The following SLC35F5 variants were observed in gnomAD, a reference collection of about 807,000 sequenced individuals.
SLC35F5 encodes the protein solute carrier family 35 member F5.
In SLC35F5, 54 loss-of-function variants were observed where a neutral mutation model predicts 68.6. That is an observed-to-expected ratio of 0.79 (90% CI 0.63 to 0.99). The LOEUF (loss-of-function observed/expected upper bound fraction) is 0.99, where lower values mean the gene tolerates loss of function less well. Among genes scored for constraint, SLC35F5 ranks in the 50% least tolerant of loss-of-function variants. The pLI is 0.00. For missense variants in SLC35F5, 567 were observed against 626.9 expected (o/e 0.90, Z 1.02); for synonymous variants, 211 against 205.2 (o/e 1.03, Z -0.24).
At chr2:113,747,850 G>A (rs1193141180) in intron 4 of SLC35F5, among the ~76,000 whole-genome samples, 2 of 152,186 alleles carry the variant, frequency 1.3e-5, no homozygotes, top group Non-Finnish European at 1.5e-5. Context: ...CCAGCACTCT[G>A]GGAGGCCGAG....
rs1204674454 is a variant in SLC35F5, at chr2:113,707,456, G to T, written c.*7762C>A. Among the ~76,000 whole-genome samples, 1 of 152,148 alleles carries T rather than the reference G, an allele frequency of 6.6e-6. No individual in the cohort carries two copies. The highest frequency in any genetic ancestry group is 1.5e-5 in the Non-Finnish European group (1 of 68,030). On this transcript the variant is annotated 3_prime_UTR_variant, in exon 16 of 16. Coordinates refer to ENST00000245680, the MANE Select transcript of SLC35F5 (RefSeq NM_025181.5). ...TGTATATAAAATAACCCTTTACAAG[G>T]ATTTACTAGGATGACTGCAAAGAAA... is the stretch of plus-strand genomic sequence containing the variant.
rs1687893612 is a variant in SLC35F5, at chr2:113,731,618, T to C, written c.951A>G (p.Ala317=). The C allele has an allele frequency of 1.2e-6, 2 of 1,613,194 alleles. No individual in the cohort carries two copies. The highest frequency in any genetic ancestry group is 1.3e-5 in the African/African-American group (1 of 74,862). The change falls in exon 10 of 16, where the codon GCA becomes GCG. Residue 317 remains alanine, a synonymous_variant. Transcript: ENST00000245680. ...SIGGVVLVNL[A]GSEKPAGRDT... ...CTCTTCCAGCAGGTTTTTCAGACCCTGCCAGGTTTACCAGTACAACGCCTC... is the reference window on the plus strand; with the variant it reads ...CTCTTCCAGCAGGTTTTTCAGACCCCGCCAGGTTTACCAGTACAACGCCTC...
chr2:113,743,903 TCAC>T, intron 5 of SLC35F5, 109 bp from the exon 6 acceptor site: 1 of 814,732 alleles, frequency 1.2e-6, no homozygotes, highest in Non-Finnish European at 1.8e-6. Context: ...ACGTGGTTGT[TCAC>T]CACCAAGTTT....
chr2:113,756,277 T>A (rs879798208), intron 1 of SLC35F5, 93 bp downstream of exon 1: 35 of 1,543,992 alleles, frequency 2.3e-5, no homozygotes, highest in Non-Finnish European at 3.1e-5. Flanking sequence ...AAGGCGCTCC[T>A]GCTGCCACCG....
rs6755611 is a variant in SLC35F5, at chr2:113,753,169, T to C, written c.273+1996A>G. Among the ~76,000 whole-genome samples the C allele has an allele frequency of 6.0e-3, 325 of 54,464 alleles. 44 individuals are homozygous for C. Among genetic ancestry groups the C allele is most frequent in the African/African-American group, 0.018 (292 of 16,532 alleles). 35.7% of individuals were successfully genotyped at this position (54,464 alleles called of 152,430 possible). On this transcript the variant is annotated intron_variant, in intron 3 of 15. Transcript: ENST00000245680. ...ACTTTATCTCCAAAGTTTGTTTTTC[T>C]TTTTTTTTTTTTTTTTTTTTTTTTT... is the stretch of plus-strand genomic sequence containing the variant.
chr2:113,730,857 A>C (rs1189865090), intron 10 of SLC35F5, among the ~76,000 whole-genome samples: 1 of 152,232 alleles, frequency 6.6e-6, no homozygotes, highest in East Asian at 1.9e-4. Context: ...GTGGGTGAAG[A>C]TATGACAGCA....
At position 113,707,592 on chromosome 2, in the gene SLC35F5, C is replaced by G. The variant is rs1174183059; in HGVS notation, c.*7626G>C. Among the ~76,000 whole-genome samples the G allele has an allele frequency of 7.9e-5, 12 of 152,156 alleles. No individual in the cohort carries two copies. Among genetic ancestry groups the G allele is most frequent in the Admixed American group, 7.9e-4 (12 of 15,274 alleles). On this transcript the variant is annotated 3_prime_UTR_variant, in exon 16 of 16. Transcript: ENST00000245680. Reference sequence around the variant, plus strand: ...CTTATTTTTTTGAAACAGGGTCTCGCTCTGTCACCCAGGCTGGAGTGCAGT... The same window carrying G: ...CTTATTTTTTTGAAACAGGGTCTCGGTCTGTCACCCAGGCTGGAGTGCAGT...
At chr2:113,740,125 T>C (rs1676191140) in intron 7 of SLC35F5, among the ~76,000 whole-genome samples, 1 of 152,150 alleles carries the variant, frequency 6.6e-6, no homozygotes, top group Non-Finnish European at 1.5e-5. Flanking sequence ...TACAGACCCA[T>C]GTTGTTCAAG....
rs1034083346 is a variant in SLC35F5, at chr2:113,709,496, C to A, written c.*5722G>T. On this transcript the variant is annotated 3_prime_UTR_variant, in exon 16 of 16. Transcript: ENST00000245680. Reference sequence around the variant, plus strand: ...TTTTCAAGCATCCAGGCACGCTGGGCCTGGTATTTCAATTAGAGTTTCTCA... The same window carrying A: ...TTTTCAAGCATCCAGGCACGCTGGGACTGGTATTTCAATTAGAGTTTCTCA... Among the ~76,000 whole-genome samples, 2 of 152,192 alleles carry A rather than the reference C, an allele frequency of 1.3e-5. No individual in the cohort carries two copies. Among genetic ancestry groups the A allele is most frequent in the Non-Finnish European group, 1.5e-5 (1 of 68,028 alleles).
intron 7 of SLC35F5, among the ~76,000 whole-genome samples, chr2:113,736,442 C>CAAAA (rs761464440): frequency 7.4e-4 from 109 of 146,904 alleles, no homozygotes; most frequent in Admixed American, 1.2e-3. Flanking sequence ...GACCATTTCT[C>CAAAA]AAAAAATAAA....
chr2:113,728,142 TAACCA>T (rs1559332473), intron 11 of SLC35F5, among the ~76,000 whole-genome samples: 1 of 152,018 alleles, frequency 6.6e-6, no homozygotes, highest in Non-Finnish European at 1.5e-5. Context: ...CAAACACATG[TAACCA>T]AACCTGGCTA....
Position 113,756,370 on chromosome 2 carries a change from C to T in SLC35F5, c.40G>A (p.Gly14Arg). 1 of 1,571,410 alleles carries T rather than the reference C, an allele frequency of 6.4e-7. No homozygotes were observed. Among genetic ancestry groups the T allele is most frequent in the Non-Finnish European group, 8.6e-7 (1 of 1,159,114 alleles). Reference protein sequence around the residue: ...PRRHRGAGRPGVLSSSPPFRL... With the variant: ...PRRHRGAGRPRVLSSSPPFRL... ...TCGGGGCCCTTCCCTGCCTGCCTAC[C>T]TGGCCTTCCTGCCCCGCGATGGCGT... Residue 14 changes from glycine to arginine, a missense_variant and splice_region_variant, in exon 1 of 16, where the codon GGG becomes AGG. By Grantham distance (125) the Gly-to-Arg change is moderately radical. Coordinates refer to ENST00000245680, the MANE Select transcript of SLC35F5 (RefSeq NM_025181.5).
chr2:113,739,059 T>C (rs908978188), intron 7 of SLC35F5, among the ~76,000 whole-genome samples: 4 of 152,304 alleles, frequency 2.6e-5, no homozygotes, highest in Admixed American at 6.5e-5. Flanking sequence ...TATATTTCTA[T>C]TGAACAGCAC....
intron 5 of SLC35F5, among the ~76,000 whole-genome samples, chr2:113,745,288 T>C (rs1049820760): frequency 1.3e-5 from 2 of 152,184 alleles, no homozygotes; most frequent in Non-Finnish European, 2.9e-5. Flanking sequence ...TTCTTCATAG[T>C]ATCTATTAAC....
At chr2:113,738,220 T>C (rs891840879) in intron 7 of SLC35F5, among the ~76,000 whole-genome samples, 4 of 152,206 alleles carry the variant, frequency 2.6e-5, no homozygotes, top group African/African-American at 9.6e-5. Flanking sequence ...CATCTTATAA[T>C]TGAAATTATG....
At chr2:113,723,708 A>C (rs543558904) in intron 12 of SLC35F5, among the ~76,000 whole-genome samples, 5 of 152,184 alleles carry the variant, frequency 3.3e-5, no homozygotes, top group Non-Finnish European at 5.9e-5. Flanking sequence ...AAAAAGAAAG[A>C]CTTGAATATT....
In SLC35F5 at chr2:113,717,796, A is replaced by G; in HGVS notation, c.1551T>C (p.Ser517=). The G allele has an allele frequency of 6.2e-7, 1 of 1,613,508 alleles. No individual in the cohort carries two copies. The highest frequency in any genetic ancestry group is 8.5e-7 in the Non-Finnish European group (1 of 1,179,774). The change falls in exon 15 of 16, where the codon TCT becomes TCC. Residue 517 remains serine (S), a synonymous_variant. Transcript: ENST00000245680. The part of the protein sequence containing the change: ...CESLISMHSV[S]QEDGAS ...ACAGCTAACTAGCTCCATCCTCCTG[A>G]GAAACACTGTGCATAGAAATGAGAC...
At chr2:113,718,251 A>AT (rs1025937367) in intron 14 of SLC35F5, among the ~76,000 whole-genome samples, 9 of 149,622 alleles carry the variant, frequency 6.0e-5, no homozygotes, top group South Asian at 2.1e-4. Context: ...TGTCTGGGTA[A>AT]TTTTTTTTTT....
chr2:113,735,912 T>A, intron 7 of SLC35F5, 54 bp from the exon 8 acceptor site: 1 of 1,085,182 alleles, frequency 9.2e-7, no homozygotes, highest in Non-Finnish European at 1.4e-6. Flanking sequence ...TTTACATCTG[T>A]CATTACAATT....
Sources: allele counts gnomAD v4.1 joint callset (sites outside exome capture counted in the v4.1 genomes callset), GRCh38; gene constraint gnomAD v4.1.1; transcripts MANE v1.5; gene names NCBI Gene and HGNC (gene_info 2026-07-23, HGNC 2026-07-21).